The following TMTC2 variants were observed in gnomAD, a reference collection of about 807,000 sequenced individuals.
The protein encoded by TMTC2 is protein O-mannosyl-transferase TMTC2.
TMTC2 carries 43 observed loss-of-function variants against 82.4 expected under a neutral mutation model. The observed-to-expected ratio is 0.52, with a 90% CI of 0.41 to 0.67. The LOEUF (loss-of-function observed/expected upper bound fraction) is 0.67. TMTC2 is among the 30% of genes least tolerant of loss of function. The pLI is 0.00. For synonymous variants in TMTC2, 408 were observed against 381.9 expected (o/e 1.07, Z -0.80); for missense variants, 919 against 1,012.4 (o/e 0.91, Z 1.25).
chr12:82,888,247 C>T (rs1592603028), intron 2 of TMTC2, among the ~76,000 whole-genome samples: 1 of 152,166 alleles, frequency 6.6e-6, no homozygotes, highest in Admixed American at 6.5e-5. Flanking sequence ...CAGTAATTTT[C>T]CCATTTATAT....
intron 2 of TMTC2, 70 bp from the exon 3 acceptor site, chr12:82,895,742 TTATCTC>T: frequency 7.6e-7 from 1 of 1,311,996 alleles, no homozygotes; most frequent in Non-Finnish European, 1.0e-6. Flanking sequence ...AAAATGTATT[TTATCTC>T]TAAGTGTTAA....
chr12:83,071,395 G>T (rs191021624), intron 11 of TMTC2, among the ~76,000 whole-genome samples: 22 of 152,216 alleles, frequency 1.4e-4, no homozygotes, highest in African/African-American at 4.3e-4. Context: ...CTGACCTCGT[G>T]ATCCACCCGC....
At chr12:82,866,261 A>C (rs1222066726) in intron 2 of TMTC2, among the ~76,000 whole-genome samples, 1 of 151,900 alleles carries the variant, frequency 6.6e-6, no homozygotes, top group Non-Finnish European at 1.5e-5. Context: ...AAAAAAAAAA[A>C]AACAAAAAAC....
chr12:82,924,452 A>G (rs899236286), intron 3 of TMTC2, among the ~76,000 whole-genome samples: 11 of 152,174 alleles, frequency 7.2e-5, no homozygotes, highest in African/African-American at 2.7e-4. Context: ...TTGCTTTATC[A>G]TGATCTCAGA....
intron 9 of TMTC2, among the ~76,000 whole-genome samples, chr12:83,043,814 C>G (rs1280562657): frequency 1.3e-5 from 2 of 152,148 alleles, no homozygotes; most frequent in Admixed American, 1.3e-4. Context: ...ATGAAAGAAA[C>G]TATCTTCTGT....
intron 4 of TMTC2, among the ~76,000 whole-genome samples, chr12:82,950,820 G>T (rs777714744): frequency 1.3e-5 from 2 of 152,108 alleles, no homozygotes; most frequent in Non-Finnish European, 2.9e-5. Flanking sequence ...ATTTTCAAAA[G>T]CTGCAACTTG....
chr12:83,025,367 G>A (rs11115541), intron 8 of TMTC2, among the ~76,000 whole-genome samples: 88,178 of 149,334 alleles, frequency 0.59, 26,507 homozygotes, highest in South Asian at 0.73. Context: ...GTATATATAT[G>A]TATATTTATA....
chr12:82,704,207 AC>A (rs1873233186), intron 1 of TMTC2, among the ~76,000 whole-genome samples: 1 of 152,176 alleles, frequency 6.6e-6, no homozygotes, highest in Admixed American at 6.6e-5. Context: ...GATGTTAAAA[AC>A]TAAGCAGCAT....
At chr12:82,985,492 T>C (rs1010171391) in intron 7 of TMTC2, among the ~76,000 whole-genome samples, 5 of 152,218 alleles carry the variant, frequency 3.3e-5, no homozygotes, top group Non-Finnish European at 7.3e-5. Context: ...TCTCACACTT[T>C]TTTCTTATAG....
intron 11 of TMTC2, among the ~76,000 whole-genome samples, chr12:83,067,866 T>C (rs190187543): frequency 6.6e-4 from 101 of 152,216 alleles, no homozygotes; most frequent in African/African-American, 2.4e-3. Context: ...TTTATAAATA[T>C]TCCATGTGTA....
chr12:83,099,096 C>G (rs1427607492), intron 11 of TMTC2, among the ~76,000 whole-genome samples: 1 of 152,196 alleles, frequency 6.6e-6, no homozygotes, highest in East Asian at 1.9e-4. Context: ...TCATAATCAT[C>G]AGACTTTCTG....
chr12:82,896,277 A>G lies in TMTC2; in HGVS notation c.1114A>G (p.Lys372Glu). ...AGAGACTAAGTCCAGCTTTGCATCC[A>G]AAGTAGAAAATGGCATTAAAAACGA... Reference protein sequence around the residue: ...NSETKSSFASKVENGIKNDVS... With the variant: ...NSETKSSFASEVENGIKNDVS... Residue 372 changes from lysine to glutamate, a missense_variant, in exon 3 of 12, where the codon AAA (lysine) becomes GAA (glutamate). Physicochemically the swap from Lys to Glu is moderately conservative, Grantham distance 56. Coordinates refer to ENST00000321196, the MANE Select transcript of TMTC2 (RefSeq NM_152588.3). 6.2e-7 allele frequency: 1 copy of G among 1,614,166 alleles called. No individual in the cohort carries two copies. The highest frequency in any genetic ancestry group is 1.3e-5 in the African/African-American group (1 of 75,040).
intron 8 of TMTC2, among the ~76,000 whole-genome samples, chr12:83,028,243 C>T (rs10862565): frequency 0.59 from 90,051 of 151,854 alleles, 27,212 homozygotes; most frequent in South Asian, 0.73. Context: ...CAAACATATA[C>T]GTAGGTAGTA....
At chr12:82,976,077 C>T (rs1367306532) in intron 7 of TMTC2, among the ~76,000 whole-genome samples, 1 of 152,132 alleles carries the variant, frequency 6.6e-6, no homozygotes, top group East Asian at 1.9e-4. Flanking sequence ...ACACACCACA[C>T]TCACACGTGC....
At chr12:82,809,803 T>C (rs1223318218) in intron 1 of TMTC2, among the ~76,000 whole-genome samples, 1 of 152,070 alleles carries the variant, frequency 6.6e-6, no homozygotes, top group Non-Finnish European at 1.5e-5. Flanking sequence ...ATACAAGAAA[T>C]AATTATTTCT....
At chr12:82,955,271 G>C (rs572245090) in intron 4 of TMTC2, among the ~76,000 whole-genome samples, 35 of 152,256 alleles carry the variant, frequency 2.3e-4, no homozygotes, top group African/African-American at 8.2e-4. Flanking sequence ...GGGGTGGGAG[G>C]AAGTCAGTCC....
chr12:83,079,550 T>C lies in TMTC2; in HGVS notation c.2331+17719T>C, dbSNP rs182964752. ...ATAGATTTTACCTTCTACAACTGTT[T>C]GCTTTTACTTGTAACCACGGGTACA... On this transcript the variant is annotated intron_variant, in intron 11 of 11. Coordinates refer to ENST00000321196, the MANE Select transcript of TMTC2 (RefSeq NM_152588.3). Among the ~76,000 whole-genome samples the C allele has an allele frequency of 3.1e-3, 472 of 152,288 alleles. 6 individuals carry two copies. In the South Asian group the frequency reaches 0.039, roughly 13 times the overall value.
At chr12:83,109,225 C>A (rs970545635) in intron 11 of TMTC2, among the ~76,000 whole-genome samples, 1 of 152,096 alleles carries the variant, frequency 6.6e-6, no homozygotes, top group East Asian at 1.9e-4. Context: ...CTGGGGGGGC[C>A]TCAGGAAACC....
rs115909378 is a variant in TMTC2 at position 83,103,798 on chromosome 12, A to G, written c.2332-28412A>G. ...ATTCCAGCTTAACTCAAAAGTCTACAGTTCATAATCTCATCTGACATAAGT... is the reference window on the plus strand; with the variant it reads ...ATTCCAGCTTAACTCAAAAGTCTACGGTTCATAATCTCATCTGACATAAGT... On this transcript the variant is annotated intron_variant, in intron 11 of 11. Transcript: ENST00000321196. Among the ~76,000 whole-genome samples, 287 of 152,346 alleles carry G rather than the reference A, an allele frequency of 1.9e-3. 1 individual carries two copies. The highest frequency in any genetic ancestry group is 6.7e-3 in the African/African-American group (280 of 41,574).
Sources: allele counts gnomAD v4.1 joint callset (sites outside exome capture counted in the v4.1 genomes callset), GRCh38; gene constraint gnomAD v4.1.1; transcripts MANE v1.5; gene names NCBI Gene and HGNC (gene_info 2026-07-23, HGNC 2026-07-21).